GALNT13: variants seen among roughly 807,000 people sequenced by gnomAD.
The protein encoded by GALNT13 is polypeptide N-acetylgalactosaminyltransferase 13.
A neutral mutation model predicts 64.2 loss-of-function variants in GALNT13; 28 were observed. The ratio of observed to expected loss-of-function variants is 0.44; its 90% CI spans 0.32 to 0.60. GALNT13 has a LOEUF of 0.60. GALNT13 is among the 20% of genes least tolerant of loss of function. The pLI is 0.05. For synonymous variants in GALNT13, 214 were observed against 224.6 expected (o/e 0.95, Z 0.42); for missense variants, 577 against 669.8 (o/e 0.86, Z 1.53).
chr2:154,212,609 T>C (rs1687839241), intron 4 of GALNT13, among the ~76,000 whole-genome samples: 1 of 151,958 alleles, frequency 6.6e-6, no homozygotes, highest in Non-Finnish European at 1.5e-5. Flanking sequence ...TTTCTTCCTA[T>C]TCTTTTTCTC....
chr2:153,346,799 G>C, the GALNT13 span, among the ~76,000 whole-genome samples: 1 of 152,034 alleles, frequency 6.6e-6, no homozygotes, highest in Non-Finnish European at 1.5e-5. Context: ...ATGTTAAACC[G>C]TTTATATGCA....
At position 154,169,229 on chromosome 2, in the gene GALNT13, G is replaced by A. The variant is rs189285622; in HGVS notation, c.311+28724G>A. 9.2e-5 allele frequency among the ~76,000 whole-genome samples: 14 copies of A among 152,198 alleles called. No homozygotes were observed. The South Asian group carries it at 1.2e-3, about 14-fold the overall frequency. ...TCAAATCTCAACATGAGTTTTGGAG[G>A]GGAGGGGTCAAACAAACCATATCCA... On this transcript the variant is annotated intron_variant, in intron 4 of 12. Transcript: ENST00000392825.
the GALNT13 span, among the ~76,000 whole-genome samples, chr2:153,073,303 T>C: frequency 6.6e-6 from 1 of 151,942 alleles, no homozygotes; most frequent in East Asian, 1.9e-4. Flanking sequence ...AAAATAAATA[T>C]CTATTTATTT....
At chr2:153,520,335 AT>A in the GALNT13 span, among the ~76,000 whole-genome samples, 1 of 152,108 alleles carries the variant, frequency 6.6e-6, no homozygotes, top group Non-Finnish European at 1.5e-5. Context: ...TAGCAGCTAA[AT>A]TTTGTGATCT....
Position 153,889,154 on chromosome 2 carries a change from C to T in GALNT13, c.-176-11782C>T, listed in dbSNP as rs1429088949. Among the ~76,000 whole-genome samples the T allele has an allele frequency of 2.0e-5, 3 of 151,892 alleles. No individual in the cohort carries two copies. In the East Asian group the frequency reaches 5.8e-4, roughly 29 times the overall value. On this transcript the variant is annotated intron_variant, in intron 1 of 12. Coordinates refer to ENST00000392825, the MANE Select transcript of GALNT13 (RefSeq NM_052917.4). ...CCTGGCAGTTTTTAAGTGTGGTCCTCCACGATCTTGGCCTTGGACACCACT... is the reference window on the plus strand; with the variant it reads ...CCTGGCAGTTTTTAAGTGTGGTCCTTCACGATCTTGGCCTTGGACACCACT...
At chr2:154,198,569 A>C (rs1687001966) in intron 4 of GALNT13, among the ~76,000 whole-genome samples, 1 of 151,996 alleles carries the variant, frequency 6.6e-6, no homozygotes, top group African/African-American at 2.4e-5. Context: ...AAGGCACTGA[A>C]AATGATTGTA....
chr2:153,193,824 A>G, the GALNT13 span, among the ~76,000 whole-genome samples: 43 of 152,204 alleles, frequency 2.8e-4, no homozygotes, highest in African/African-American at 9.6e-4. Context: ...CTTGTCTTGG[A>G]AAGTCTTTAT....
At chr2:154,134,630 A>G (rs1167227430) in intron 3 of GALNT13, among the ~76,000 whole-genome samples, 1 of 152,222 alleles carries the variant, frequency 6.6e-6, no homozygotes, top group Non-Finnish European at 1.5e-5. Context: ...TGCACCCATT[A>G]GAAAATAAGT....
At chr2:153,092,745 G>A in the GALNT13 span, among the ~76,000 whole-genome samples, 1 of 152,064 alleles carries the variant, frequency 6.6e-6, no homozygotes, top group South Asian at 2.1e-4. Flanking sequence ...TGGCATCTAG[G>A]ATTTTCCAAA....
intron 3 of GALNT13, among the ~76,000 whole-genome samples, chr2:153,987,885 A>G (rs1490456930): frequency 3.9e-5 from 6 of 151,912 alleles, no homozygotes; most frequent in Admixed American, 2.6e-4. Context: ...AATAGTATTG[A>G]TCAAATAAAA....
At chr2:153,081,774 T>C in the GALNT13 span, among the ~76,000 whole-genome samples, 4 of 152,220 alleles carry the variant, frequency 2.6e-5, no homozygotes, top group Admixed American at 6.6e-5. Context: ...CATCTGTTGA[T>C]AGACACTTAG....
At chr2:154,346,226 A>G (rs1393087029) in intron 9 of GALNT13, among the ~76,000 whole-genome samples, 1 of 152,094 alleles carries the variant, frequency 6.6e-6, no homozygotes, top group Admixed American at 6.6e-5. Flanking sequence ...ATAAATATTT[A>G]TGTATTTATT....
chr2:153,850,709 T>C, the GALNT13 span, among the ~76,000 whole-genome samples: 1 of 152,288 alleles, frequency 6.6e-6, no homozygotes, highest in East Asian at 1.9e-4. Context: ...ACATAGAATA[T>C]ATAATAGACA....
chr2:153,107,282 A>G, the GALNT13 span, among the ~76,000 whole-genome samples: 2,309 of 152,268 alleles, frequency 0.015, 21 homozygotes, highest in Non-Finnish European at 0.02. Context: ...AGATGTAGAG[A>G]TTCAATTGTG....
At chr2:154,217,812 A>T (rs1688125117) in intron 4 of GALNT13, among the ~76,000 whole-genome samples, 1 of 152,190 alleles carries the variant, frequency 6.6e-6, no homozygotes, top group Non-Finnish European at 1.5e-5. Flanking sequence ...TGCTGTCCTC[A>T]CAAAACATAT....
chr2:153,424,835 GA>G, the GALNT13 span, among the ~76,000 whole-genome samples: 1 of 151,732 alleles, frequency 6.6e-6, no homozygotes, highest in African/African-American at 2.4e-5. Context: ...CAAACACATG[GA>G]AATAGCCTAA....
At chr2:154,135,666 A>C (rs68072333) in intron 3 of GALNT13, among the ~76,000 whole-genome samples, 1 of 152,042 alleles carries the variant, frequency 6.6e-6, no homozygotes, top group Non-Finnish European at 1.5e-5. Context: ...TTATTTTATT[A>C]AGAATTAACC....
At chr2:154,051,047 A>G (rs368131312) in intron 3 of GALNT13, among the ~76,000 whole-genome samples, 32 of 152,190 alleles carry the variant, frequency 2.1e-4, no homozygotes, top group African/African-American at 7.2e-4. Context: ...ATTGTGTCAG[A>G]CGGAGAGATA....
At chr2:153,712,859 G>A in the GALNT13 span, among the ~76,000 whole-genome samples, 3 of 152,106 alleles carry the variant, frequency 2.0e-5, no homozygotes, top group African/African-American at 7.2e-5. Flanking sequence ...AGCTATCTGT[G>A]TCCCATAGAG....
Sources: allele counts gnomAD v4.1 joint callset (sites outside exome capture counted in the v4.1 genomes callset), GRCh38; gene constraint gnomAD v4.1.1; transcripts MANE v1.5; gene names NCBI Gene and HGNC (gene_info 2026-07-23, HGNC 2026-07-21).